The following HAPLN1 variants were observed in gnomAD, a reference collection of about 807,000 sequenced individuals.
HAPLN1 encodes hyaluronan and proteoglycan link protein 1.
A neutral mutation model predicts 36.5 loss-of-function variants in HAPLN1; 13 were observed. That is an observed-to-expected ratio of 0.36 (90% CI 0.23 to 0.57). The LOEUF (loss-of-function observed/expected upper bound fraction) is 0.57. Ranked by LOEUF, HAPLN1 falls within the 20% of genes least tolerant of loss-of-function variation. HAPLN1 has a pLI of 0.83. For synonymous variants in HAPLN1, 202 were observed against 169.8 expected (o/e 1.19, Z -1.48); for missense variants, 407 against 439.7 (o/e 0.93, Z 0.66).
chr5:83,691,992 TA>T (rs113560221), intron 1 of HAPLN1, among the ~76,000 whole-genome samples: 43 of 150,728 alleles, frequency 2.9e-4, no homozygotes, highest in East Asian at 3.9e-4. Context: ...TTGTCTAAGA[TA>T]AAAAAAAATT....
chr5:83,693,461 C>A (rs1751324609), intron 1 of HAPLN1, among the ~76,000 whole-genome samples: 1 of 151,632 alleles, frequency 6.6e-6, no homozygotes, highest in Non-Finnish European at 1.5e-5. Flanking sequence ...GAAAAATTAG[C>A]AAGATAGTGG....
intron 1 of HAPLN1, among the ~76,000 whole-genome samples, chr5:83,692,656 C>T (rs1339233230): frequency 6.6e-6 from 1 of 151,842 alleles, no homozygotes; most frequent in African/African-American, 2.4e-5. Flanking sequence ...AAAATGATAA[C>T]AGTTGGTAAA....
At chr5:83,700,217 A>AACC (rs1423256771) in intron 1 of HAPLN1, among the ~76,000 whole-genome samples, 1 of 150,506 alleles carries the variant, frequency 6.6e-6, no homozygotes, top group African/African-American at 2.4e-5. Context: ...AAAAAAAGAC[A>AACC]ACCACCACCA....
intron 1 of HAPLN1, among the ~76,000 whole-genome samples, chr5:83,697,136 G>A (rs1751406025): frequency 6.6e-6 from 1 of 151,944 alleles, no homozygotes; most frequent in African/African-American, 2.4e-5. Context: ...ATGATTCAAT[G>A]AATTCAATGA....
At chr5:83,665,179 GA>G (rs1007494593) in intron 2 of HAPLN1, among the ~76,000 whole-genome samples, 77 of 149,162 alleles carry the variant, frequency 5.2e-4, no homozygotes, top group African/African-American at 1.7e-3. Flanking sequence ...AAACCAAAAA[GA>G]AAAAAAAAGA....
At chr5:83,695,593 T>G (rs1751374065) in intron 1 of HAPLN1, among the ~76,000 whole-genome samples, 1 of 147,318 alleles carries the variant, frequency 6.8e-6, no homozygotes, top group Non-Finnish European at 1.5e-5. Context: ...GAGATAAATA[T>G]ATATCTATAT....
chr5:83,672,845 TAG>T (rs1329129528), intron 2 of HAPLN1, among the ~76,000 whole-genome samples: 1 of 152,212 alleles, frequency 6.6e-6, no homozygotes, highest in East Asian at 1.9e-4. Context: ...ACTGAGGAAA[TAG>T]CTGCATTGTA....
chr5:83,714,257 C>T (rs928959469), intron 1 of HAPLN1, among the ~76,000 whole-genome samples: 8 of 152,138 alleles, frequency 5.3e-5, no homozygotes, highest in African/African-American at 1.7e-4. Context: ...TCAGGGTCAT[C>T]AGTCCTAGAA....
chr5:83,707,467 A>G (rs1751679304), intron 1 of HAPLN1, among the ~76,000 whole-genome samples: 1 of 152,190 alleles, frequency 6.6e-6, no homozygotes, highest in Non-Finnish European at 1.5e-5. Flanking sequence ...AAAACTGATA[A>G]AAACAAGCAA....
rs1749637505 is a variant in HAPLN1 at position 83,640,107 on chromosome 5, C to G, written c.*1389G>C. The G allele has an allele frequency of 6.6e-6, 1 of 152,118 alleles. No homozygotes were observed. The highest frequency in any genetic ancestry group is 1.5e-5 in the Non-Finnish European group (1 of 67,982). The allele number at this position is 152,118 out of a possible 1,614,324, so 9.4% of individuals were successfully genotyped here. A position where few individuals can be genotyped will look rare whatever the true frequency, so the allele number is the denominator to read the frequency against. On this transcript the variant is annotated 3_prime_UTR_variant, in exon 5 of 5. Transcript: ENST00000274341. The stretch of plus-strand genomic sequence containing the variant: ...TTATAGTAAATCCCATTTATTAGAA[C>G]TCATTGTGAAACAATGGGAAACCAT...
intron 1 of HAPLN1, among the ~76,000 whole-genome samples, chr5:83,683,139 T>C (rs1223199202): frequency 1.3e-5 from 2 of 152,178 alleles, no homozygotes; most frequent in Non-Finnish European, 2.9e-5. Flanking sequence ...ATATGGGCAC[T>C]ATTGTCCTAA....
intron 1 of HAPLN1, among the ~76,000 whole-genome samples, chr5:83,690,572 A>T (rs1205640314): frequency 6.6e-6 from 1 of 152,062 alleles, no homozygotes; most frequent in Non-Finnish European, 1.5e-5. Context: ...ATTTTCACAG[A>T]TTTCATTGTA....
chr5:83,662,866 G>A (rs1045794107), intron 2 of HAPLN1, among the ~76,000 whole-genome samples: 1 of 152,224 alleles, frequency 6.6e-6, no homozygotes, highest in African/African-American at 2.4e-5. Context: ...TACTGATAAG[G>A]CTAATGTCTT....
intron 1 of HAPLN1, among the ~76,000 whole-genome samples, chr5:83,715,695 C>T (rs985487827): frequency 2.0e-5 from 3 of 152,176 alleles, no homozygotes; most frequent in Non-Finnish European, 4.4e-5. Flanking sequence ...AACCCTAGTC[C>T]TCTTGGGGTT....
chr5:83,680,445 C>T (rs1340582160), intron 1 of HAPLN1, among the ~76,000 whole-genome samples: 2 of 152,034 alleles, frequency 1.3e-5, no homozygotes, highest in Non-Finnish European at 2.9e-5. Context: ...GTCTGGAATA[C>T]CTATAGATAG....
intron 2 of HAPLN1, among the ~76,000 whole-genome samples, chr5:83,657,721 C>T (rs962258065): frequency 6.6e-6 from 1 of 151,650 alleles, no homozygotes; most frequent in Non-Finnish European, 1.5e-5. Flanking sequence ...TGCAAGCTAG[C>T]CAGGCTTGAT....
In HAPLN1 at chr5:83,710,877, C is replaced by A. The variant is rs1434035387; in HGVS notation, c.-27+9912G>T. 2.0e-5 allele frequency among the ~76,000 whole-genome samples: 3 copies of A among 151,834 alleles called. No homozygotes were observed. In the East Asian group the frequency reaches 5.8e-4, roughly 29 times the overall value. ...GAGACAGGAAAACTGCTCGAGCCCA[C>A]GAGGCAGAGGTTTCAATGAGCTGTG... On this transcript the variant is annotated intron_variant, in intron 1 of 4. Transcript: ENST00000274341.
chr5:83,687,429 G>A (rs998392954), intron 1 of HAPLN1, among the ~76,000 whole-genome samples: 2 of 152,166 alleles, frequency 1.3e-5, no homozygotes, highest in Non-Finnish European at 2.9e-5. Context: ...ATAGCTACTT[G>A]CTGGCATCAT....
chr5:83,675,407 A>G (rs1750835757), intron 1 of HAPLN1: 1 of 152,106 alleles, frequency 6.6e-6, no homozygotes, highest in Non-Finnish European at 1.5e-5. Context: ...CTAGATGAGG[A>G]GTCAAGATGA....
Sources: gnomAD v4.1 joint callset for allele counts (sites outside exome capture counted in the v4.1 genomes callset) on GRCh38, gnomAD v4.1.1 for gene constraint, MANE v1.5 for transcripts, NCBI Gene and HGNC (gene_info 2026-07-23, HGNC 2026-07-21) for gene names.